ANKRD30A: variants seen among roughly 807,000 people sequenced by gnomAD.
ANKRD30A encodes ankyrin repeat domain 30A.
In ANKRD30A, 170 loss-of-function variants were observed where a neutral mutation model predicts 166.3. The observed-to-expected ratio is 1.02, with a 90% CI of 0.90 to 1.16. The LOEUF (loss-of-function observed/expected upper bound fraction) is 1.16. ANKRD30A is among the 50% of genes most tolerant of loss of function. ANKRD30A has a pLI of 0.00. For missense variants in ANKRD30A, 1,630 were observed against 1,518.0 expected (o/e 1.07, Z -1.23); for synonymous variants, 564 against 508.9 (o/e 1.11, Z -1.46).
intron 32 of ANKRD30A, among the ~76,000 whole-genome samples, chr10:37,217,166 G>A (rs950761733): frequency 1.2e-4 from 18 of 150,720 alleles, no homozygotes; most frequent in Non-Finnish European, 1.9e-4. Flanking sequence ...GAAACAAAAG[G>A]CATATGGGAT....
At chr10:37,200,690 A>C (rs1395281980) in intron 30 of ANKRD30A, among the ~76,000 whole-genome samples, 1 of 152,094 alleles carries the variant, frequency 6.6e-6, no homozygotes, top group Admixed American at 6.6e-5. Flanking sequence ...TTTTGTCAAA[A>C]ACTTGTTGCT....
intron 8 of ANKRD30A, among the ~76,000 whole-genome samples, chr10:37,146,374 A>T (rs1837513751): frequency 6.6e-6 from 1 of 152,238 alleles, no homozygotes; most frequent in African/African-American, 2.4e-5. Flanking sequence ...CATTCTTTTC[A>T]TGCCATGCAT....
intron 7 of ANKRD30A, among the ~76,000 whole-genome samples, chr10:37,143,614 A>G (rs1837303591): frequency 6.6e-6 from 1 of 152,040 alleles, no homozygotes; most frequent in Admixed American, 6.5e-5. Context: ...AGATCGTACC[A>G]CTACACTCTA....
rs1199991523 is a variant in ANKRD30A at position 37,191,265 on chromosome 10, G to T, written c.2512+1708G>T. Among the ~76,000 whole-genome samples, 192 of 151,888 alleles carry T rather than the reference G, an allele frequency of 1.3e-3. 6 individuals are homozygous for T. The highest frequency in any genetic ancestry group is 4.5e-3 in the African/African-American group (188 of 41,356). ...ATGTTGGCATACTATTCCAGTATATGGGTATGAAAATCAAGGAATATTTAT... is the reference window on the plus strand; with the variant it reads ...ATGTTGGCATACTATTCCAGTATATTGGTATGAAAATCAAGGAATATTTAT... On this transcript the variant is annotated intron_variant, in intron 25 of 35. Coordinates refer to ENST00000361713, the MANE Select transcript of ANKRD30A (RefSeq NM_052997.3).
the ANKRD30A span, among the ~76,000 whole-genome samples, chr10:37,258,144 A>G: frequency 2.0e-5 from 3 of 152,238 alleles, no homozygotes; most frequent in East Asian, 3.8e-4. Context: ...TTAAAAAAGG[A>G]TATAAGTATC....
the ANKRD30A span, among the ~76,000 whole-genome samples, chr10:37,245,422 C>G: frequency 2.6e-5 from 4 of 150,986 alleles, no homozygotes; most frequent in Admixed American, 2.6e-4. Context: ...GGTTTTATTT[C>G]TTTTTTTTTC....
At chr10:37,201,690 T>G (rs192971180) in intron 31 of ANKRD30A, among the ~76,000 whole-genome samples, 21 of 152,088 alleles carry the variant, frequency 1.4e-4, no homozygotes, top group Non-Finnish European at 2.5e-4. Context: ...GAAATGATTG[T>G]TTAGGAAAAG....
At chr10:37,152,733 C>A (rs759097568) in intron 12 of ANKRD30A, among the ~76,000 whole-genome samples, 8 of 151,876 alleles carry the variant, frequency 5.3e-5, no homozygotes, top group Non-Finnish European at 8.8e-5. Flanking sequence ...TCCTTGAGTC[C>A]TCTTATGGCA....
At chr10:37,237,202 A>C (rs992114953), downstream of ANKRD30A, among the ~76,000 whole-genome samples, 2 of 152,220 alleles carry the variant, frequency 1.3e-5, no homozygotes, top group African/African-American at 4.8e-5. Context: ...CGGAAGACCT[A>C]AAGCCCATTT....
At chr10:37,139,229 GCAGATGGTTGAGACA>G (rs1278921700) in intron 6 of ANKRD30A, among the ~76,000 whole-genome samples, 4 of 152,202 alleles carry the variant, frequency 2.6e-5, no homozygotes, top group African/African-American at 9.7e-5. Flanking sequence ...GGTCTGTCCT[GCAGATGGTTGAGACA>G]CATAACCAGA....
At chr10:37,141,611 G>A (rs906252510) in intron 6 of ANKRD30A, 107 bp from the exon 7 acceptor site, 47 of 1,276,636 alleles carry the variant, frequency 3.7e-5, no homozygotes, top group Non-Finnish European at 4.8e-5. Context: ...GAAAAGTTTG[G>A]TAGTATTTAA....
chr10:37,151,914 A>G, intron 11 of ANKRD30A, 146 bp from the exon 12 acceptor site: 1 of 615,846 alleles, frequency 1.6e-6, no homozygotes, highest in Non-Finnish European at 2.7e-6. Context: ...ATGACTATAG[A>G]AGTAGTTATT....
At chr10:37,182,567 T>TC (rs1484590014) in intron 24 of ANKRD30A, among the ~76,000 whole-genome samples, 1 of 70,746 alleles carries the variant, frequency 1.4e-5, no homozygotes, top group African/African-American at 4.8e-5. Flanking sequence ...TAAATTTTCT[T>TC]TTTTTTTGTT....
intron 7 of ANKRD30A, among the ~76,000 whole-genome samples, chr10:37,143,718 G>A (rs925231976): frequency 6.6e-6 from 1 of 152,018 alleles, no homozygotes. Flanking sequence ...TGCATTGTAG[G>A]GTGAAAGCAG....
chr10:37,147,375 CT>C lies in ANKRD30A; in HGVS notation c.1464del (p.Phe488LeufsTer19). On this transcript the variant is annotated frameshift_variant, in exon 9 of 36. Coordinates refer to ENST00000361713, the MANE Select transcript of ANKRD30A (RefSeq NM_052997.3). LOFTEE classifies it high-confidence loss of function. The stretch of plus-strand genomic sequence containing the variant: ...ATTGATACTACTTTTAACAGAGTCT[CT>C]TTGAGAGTTCTGCAAAGATTCAAGT... ...EEYSCDSRSL[F>X]ESSAKIQVCI... is the part of the protein sequence containing the mutation. The C allele has an allele frequency of 6.3e-7, 1 of 1,584,722 alleles. No individual in the cohort carries two copies. Among genetic ancestry groups the C allele is most frequent in the Non-Finnish European group, 8.6e-7 (1 of 1,164,582 alleles).
intron 34 of ANKRD30A, among the ~76,000 whole-genome samples, chr10:37,226,048 G>A (rs977098213): frequency 2.6e-5 from 4 of 151,496 alleles, no homozygotes; most frequent in African/African-American, 7.3e-5. Flanking sequence ...TCAAATCACA[G>A]TACATGGCCT....
At chr10:37,226,849 T>G (rs1843179545) in intron 34 of ANKRD30A, among the ~76,000 whole-genome samples, 1 of 151,886 alleles carries the variant, frequency 6.6e-6, no homozygotes, top group Non-Finnish European at 1.5e-5. Context: ...CCAGGAAAGA[T>G]TCCATCCTAG....
intron 13 of ANKRD30A, 94 bp from the exon 14 acceptor site, chr10:37,158,298 A>T: frequency 6.7e-7 from 1 of 1,492,468 alleles, no homozygotes; most frequent in Non-Finnish European, 9.2e-7. Context: ...CAATCCAAGC[A>T]TGAGGATTCA....
At chr10:37,195,117 C>A (rs1840971119) in intron 27 of ANKRD30A, among the ~76,000 whole-genome samples, 1 of 152,102 alleles carries the variant, frequency 6.6e-6, no homozygotes, top group Admixed American at 6.6e-5. Flanking sequence ...ATTTGTTGAA[C>A]TTCAGAGATG....
Sources: gnomAD v4.1 joint callset for allele counts (sites outside exome capture counted in the v4.1 genomes callset) on GRCh38, gnomAD v4.1.1 for gene constraint, MANE v1.5 for transcripts, NCBI Gene and HGNC (gene_info 2026-07-23, HGNC 2026-07-21) for gene names.